Variants in CNTN5 observed in about 807,000 individuals in gnomAD.
CNTN5 encodes the protein contactin 5, also known as contactin-5.
A neutral mutation model predicts 129.1 loss-of-function variants in CNTN5; 77 were observed. The ratio of observed to expected loss-of-function variants is 0.60; its 90% CI spans 0.50 to 0.72. CNTN5 has a LOEUF of 0.72. Among genes scored for constraint, CNTN5 ranks in the 30% least tolerant of loss-of-function variants. CNTN5 has a pLI of 0.00. For missense variants in CNTN5, 1,478 were observed against 1,328.8 expected (o/e 1.11, Z -1.75); for synonymous variants, 509 against 465.6 (o/e 1.09, Z -1.20).
intron 2 of CNTN5, among the ~76,000 whole-genome samples, chr11:99,343,121 G>A (rs1482292256): frequency 3.3e-5 from 5 of 152,188 alleles, no homozygotes; most frequent in Non-Finnish European, 7.3e-5. Context: ...ATCTGGAAGA[G>A]AGGCAATAGC....
chr11:99,202,347 A>G (rs1036153848), intron 1 of CNTN5, among the ~76,000 whole-genome samples: 3 of 152,246 alleles, frequency 2.0e-5, no homozygotes, highest in Admixed American at 6.5e-5. Context: ...TGACCATAAA[A>G]ATATCAAAGT....
chr11:100,168,940 ACT>A (rs1947740304), intron 13 of CNTN5, among the ~76,000 whole-genome samples: 2 of 151,880 alleles, frequency 1.3e-5, no homozygotes, highest in African/African-American at 2.4e-5. Context: ...CTTAGGGATG[ACT>A]CTGAGGAGTT....
intron 9 of CNTN5, among the ~76,000 whole-genome samples, chr11:100,048,634 T>C (rs1355956548): frequency 1.3e-5 from 2 of 151,918 alleles, no homozygotes; most frequent in Non-Finnish European, 2.9e-5. Context: ...TCAATGAATT[T>C]GAACATAGAG....
intron 6 of CNTN5, among the ~76,000 whole-genome samples, chr11:99,872,224 T>A (rs927176182): frequency 6.6e-6 from 1 of 152,050 alleles, no homozygotes; most frequent in Non-Finnish European, 1.5e-5. Flanking sequence ...AACACATTAA[T>A]ACACTATGAA....
At chr11:100,251,490 T>C (rs576398668) in intron 16 of CNTN5, among the ~76,000 whole-genome samples, 1 of 152,240 alleles carries the variant, frequency 6.6e-6, no homozygotes, top group South Asian at 2.1e-4. Context: ...ATAGTCATCC[T>C]ACAGTGGTCT....
intron 3 of CNTN5, among the ~76,000 whole-genome samples, chr11:99,630,145 TAAAG>T (rs199622926): frequency 0.011 from 1,635 of 151,988 alleles, 36 homozygotes; most frequent in African/African-American, 0.036. Flanking sequence ...TCATTAAAAA[TAAAG>T]ATGGATTTGT....
chr11:99,511,337 A>G (rs1249823046), intron 2 of CNTN5, among the ~76,000 whole-genome samples: 1 of 152,110 alleles, frequency 6.6e-6, no homozygotes, highest in Non-Finnish European at 1.5e-5. Context: ...TTCAGTTTCC[A>G]TGTAGTTGAG....
chr11:100,256,531 C>T (rs923431385), intron 17 of CNTN5, among the ~76,000 whole-genome samples: 1 of 152,040 alleles, frequency 6.6e-6, no homozygotes, highest in African/African-American at 2.4e-5. Context: ...ATAGGAATAG[C>T]TCTGGTCTGC....
intron 3 of CNTN5, among the ~76,000 whole-genome samples, chr11:99,765,216 A>G (rs574106953): frequency 2.6e-5 from 4 of 152,058 alleles, no homozygotes; most frequent in Non-Finnish European, 5.9e-5. Flanking sequence ...AGTGGGATAT[A>G]AAGTATATTC....
chr11:100,194,254 C>T (rs1201529623), intron 15 of CNTN5, among the ~76,000 whole-genome samples: 1 of 151,864 alleles, frequency 6.6e-6, no homozygotes, highest in Non-Finnish European at 1.5e-5. Flanking sequence ...ACAGAACCAT[C>T]ACAGTGCTTT....
At chr11:100,353,562 C>T (rs1256662494) in intron 24 of CNTN5, among the ~76,000 whole-genome samples, 1 of 151,562 alleles carries the variant, frequency 6.6e-6, no homozygotes, top group Non-Finnish European at 1.5e-5. Context: ...TGCAGCCATT[C>T]CCAATAGCTA....
intron 21 of CNTN5, among the ~76,000 whole-genome samples, chr11:100,314,012 G>A (rs1310574296): frequency 6.6e-6 from 1 of 152,090 alleles, no homozygotes; most frequent in African/African-American, 2.4e-5. Context: ...CCCTTATGTT[G>A]TCAATTAGTA....
intron 13 of CNTN5, among the ~76,000 whole-genome samples, chr11:100,106,435 T>C (rs1945433867): frequency 6.6e-6 from 1 of 152,158 alleles, no homozygotes; most frequent in South Asian, 2.1e-4. Flanking sequence ...TTCCTTTCCC[T>C]TAGGTTTGGG....
intron 3 of CNTN5, among the ~76,000 whole-genome samples, chr11:99,715,677 C>T (rs1218763692): frequency 6.6e-6 from 1 of 151,914 alleles, no homozygotes; most frequent in Non-Finnish European, 1.5e-5. Flanking sequence ...CATGGTATAT[C>T]ATCATCTCTT....
intron 9 of CNTN5, among the ~76,000 whole-genome samples, chr11:100,037,068 C>T (rs923487431): frequency 1.3e-5 from 2 of 152,030 alleles, no homozygotes; most frequent in African/African-American, 4.8e-5. Context: ...GGAATGCTTC[C>T]AGTTTTTGCC....
intron 3 of CNTN5, among the ~76,000 whole-genome samples, chr11:99,637,739 C>T (rs1262243057): frequency 6.6e-6 from 1 of 151,662 alleles, no homozygotes; most frequent in African/African-American, 2.4e-5. Context: ...ACTATTATAT[C>T]AGTCTTGCCT....
At chr11:99,511,004 T>A (rs1245030279) in intron 2 of CNTN5, among the ~76,000 whole-genome samples, 2 of 152,144 alleles carry the variant, frequency 1.3e-5, no homozygotes, top group Non-Finnish European at 2.9e-5. Context: ...ATACTGATGA[T>A]CCTGACCCTT....
chr11:99,485,945 A>G (rs1409842431), intron 2 of CNTN5, among the ~76,000 whole-genome samples: 1 of 152,026 alleles, frequency 6.6e-6, no homozygotes, highest in Non-Finnish European at 1.5e-5. Flanking sequence ...AATAATTACA[A>G]AAATTGTTTT....
At position 100,340,603 on chromosome 11, in the gene CNTN5, A is replaced by G; in HGVS notation, c.2871A>G (p.Gly957=). The G allele has an allele frequency of 6.2e-7, 1 of 1,613,190 alleles. No individual in the cohort carries two copies. The highest frequency in any genetic ancestry group is 8.5e-7 in the Non-Finnish European group (1 of 1,179,548). Residue 957 remains glycine, a synonymous_variant, in exon 22 of 25, where the codon GGA becomes GGG. Coordinates refer to ENST00000524871, the MANE Select transcript of CNTN5 (RefSeq NM_014361.4). Reference sequence around the variant, plus strand: ...CAGTGAGGGCTTACAATGGAGCTGGATATGGGCCACCTAGCAGTGAAGTGA... The same window carrying G: ...CAGTGAGGGCTTACAATGGAGCTGGGTATGGGCCACCTAGCAGTGAAGTGA... ...HFTVRAYNGA[G]YGPPSSEVSA...
Sources: allele counts gnomAD v4.1 joint callset (sites outside exome capture counted in the v4.1 genomes callset), GRCh38; gene constraint gnomAD v4.1.1; transcripts MANE v1.5; gene names NCBI Gene and HGNC (gene_info 2026-07-23, HGNC 2026-07-21).